The following VPS13B variants were observed in gnomAD, a reference collection of about 807,000 sequenced individuals.
The protein encoded by VPS13B is vacuolar protein sorting 13 homolog B.
In VPS13B, 285 loss-of-function variants were observed where a neutral mutation model predicts 426.4. The observed-to-expected ratio is 0.67, with a 90% CI of 0.61 to 0.74. The LOEUF is 0.74. Among genes scored for constraint, VPS13B ranks in the 30% least tolerant of loss-of-function variants. The pLI is 0.00. For missense variants in VPS13B, 4,537 were observed against 4,782.6 expected (o/e 0.95, Z 1.51); for synonymous variants, 1,676 against 1,676.4 (o/e 1.00, Z 0.01).
At chr8:99,304,540 G>A (rs999464338) in intron 19 of VPS13B, among the ~76,000 whole-genome samples, 82 of 151,956 alleles carry the variant, frequency 5.4e-4, no homozygotes, top group Non-Finnish European at 1.6e-4. Flanking sequence ...TGTAACATTG[G>A]TAGTCCCAAC....
At chr8:99,505,953 C>G (rs936767574) in intron 27 of VPS13B, among the ~76,000 whole-genome samples, 3 of 152,256 alleles carry the variant, frequency 2.0e-5, no homozygotes, top group African/African-American at 7.2e-5. Flanking sequence ...GATGACAAAT[C>G]TGTTCATAAA....
chr8:99,726,322 A>G (rs1833349134), intron 39 of VPS13B, among the ~76,000 whole-genome samples: 1 of 152,230 alleles, frequency 6.6e-6, no homozygotes, highest in African/African-American at 2.4e-5. Flanking sequence ...AGATAAAGTA[A>G]TGCCACCAAC....
At position 99,331,435 on chromosome 8, in the gene VPS13B, G is replaced by A. The variant is rs370924654; in HGVS notation, c.2825-52773G>A. On this transcript the variant is annotated intron_variant, in intron 19 of 61. Coordinates refer to ENST00000357162, the MANE Select transcript of VPS13B (RefSeq NM_152564.5). ...GAATCTTGCAGTTTAGAGCTGTAGA[G>A]CAGCCAAGATCCCTTTATAAGGAAC... 2.2e-4 allele frequency among the ~76,000 whole-genome samples: 33 copies of A among 151,860 alleles called. No individual in the cohort carries two copies. In the East Asian group the frequency reaches 6.2e-3, roughly 28 times the overall value.
chr8:99,527,275 TAAC>T (rs1183522702), intron 30 of VPS13B, among the ~76,000 whole-genome samples: 1 of 152,116 alleles, frequency 6.6e-6, no homozygotes, highest in African/African-American at 2.4e-5. Flanking sequence ...TTCTGTTAAC[TAAC>T]ACCTTATATG....
At chr8:99,210,506 G>T (rs1409828434) in intron 17 of VPS13B, among the ~76,000 whole-genome samples, 1 of 152,066 alleles carries the variant, frequency 6.6e-6, no homozygotes, top group Non-Finnish European at 1.5e-5. Context: ...CTCACATTTG[G>T]TGCCATTGTG....
chr8:99,304,414 T>C (rs537967549), intron 19 of VPS13B, among the ~76,000 whole-genome samples: 1 of 152,146 alleles, frequency 6.6e-6, no homozygotes, highest in Non-Finnish European at 1.5e-5. Flanking sequence ...GTTTTGTTTT[T>C]TTTTTCATGG....
intron 21 of VPS13B, among the ~76,000 whole-genome samples, chr8:99,409,401 T>G (rs1240504797): frequency 6.6e-6 from 1 of 151,908 alleles, no homozygotes; most frequent in Admixed American, 6.6e-5. Flanking sequence ...AGGCTGTGAG[T>G]ATTGGGGCTG....
At chr8:99,526,791 A>G (rs1588463731) in intron 30 of VPS13B, among the ~76,000 whole-genome samples, 1 of 152,204 alleles carries the variant, frequency 6.6e-6, no homozygotes, top group East Asian at 1.9e-4. Flanking sequence ...GATTTATGTC[A>G]AATTAAACCA....
chr8:99,273,093 G>A (rs1380463487), intron 17 of VPS13B, among the ~76,000 whole-genome samples: 1 of 150,788 alleles, frequency 6.6e-6, no homozygotes, highest in Non-Finnish European at 1.5e-5. Flanking sequence ...TCCTCAACCT[G>A]TATTTTGTTT....
intron 4 of VPS13B, among the ~76,000 whole-genome samples, chr8:99,096,792 C>G (rs2132433362): frequency 6.6e-6 from 1 of 150,886 alleles, no homozygotes. Context: ...TGTTTTAGTA[C>G]TTTGTAGAAT....
At chr8:99,658,523 ATTATTTAT>A (rs570386895) in intron 34 of VPS13B, among the ~76,000 whole-genome samples, 3 of 152,040 alleles carry the variant, frequency 2.0e-5, no homozygotes, top group Non-Finnish European at 2.9e-5. Flanking sequence ...AATTATACAG[ATTATTTAT>A]TTATTTATTT....
chr8:99,495,549 A>C (rs1012194958), intron 25 of VPS13B, among the ~76,000 whole-genome samples: 45 of 152,242 alleles, frequency 3.0e-4, no homozygotes, highest in African/African-American at 1.1e-3. Context: ...AAGCCCTTAC[A>C]TGGTGGTTGA....
chr8:99,760,526 G>A (rs756919172), intron 39 of VPS13B, among the ~76,000 whole-genome samples: 2 of 152,088 alleles, frequency 1.3e-5, no homozygotes, highest in Non-Finnish European at 2.9e-5. Flanking sequence ...GATTTTATCC[G>A]AAGTGTGACA....
chr8:99,692,302 TC>T (rs1446857078), intron 35 of VPS13B, among the ~76,000 whole-genome samples: 2 of 145,556 alleles, frequency 1.4e-5, no homozygotes, highest in Non-Finnish European at 3.0e-5. Flanking sequence ...AGTAAAACTC[TC>T]CTCAGCAAAT....
intron 35 of VPS13B, among the ~76,000 whole-genome samples, chr8:99,691,452 G>C (rs1487590508): frequency 6.6e-6 from 1 of 151,880 alleles, no homozygotes; most frequent in Non-Finnish European, 1.5e-5. Flanking sequence ...TAAAAACATG[G>C]GGAGAAAGGA....
In VPS13B at chr8:99,443,398, C is replaced by G. The variant is rs190451586; in HGVS notation, c.3445+763C>G. 6.3e-3 allele frequency among the ~76,000 whole-genome samples: 962 copies of G among 152,180 alleles called. 7 individuals carry two copies. Among genetic ancestry groups the G allele is most frequent in the African/African-American group, 0.022 (903 of 41,536 alleles). On this transcript the variant is annotated intron_variant, in intron 23 of 61. Coordinates refer to ENST00000357162, the MANE Select transcript of VPS13B (RefSeq NM_152564.5). The stretch of plus-strand genomic sequence containing the variant: ...AGACATAGCCTGTGTAATTTTTGAT[C>G]TCTACTTTGATGTTGATTTCTCTCT...
At chr8:99,235,852 A>G (rs1470679485) in intron 17 of VPS13B, among the ~76,000 whole-genome samples, 1 of 152,226 alleles carries the variant, frequency 6.6e-6, no homozygotes, top group Non-Finnish European at 1.5e-5. Flanking sequence ...GAGACATAAA[A>G]CAAAAATTTG....
At chr8:99,101,877 A>G (rs1378907878) in intron 4 of VPS13B, among the ~76,000 whole-genome samples, 1 of 152,154 alleles carries the variant, frequency 6.6e-6, no homozygotes, top group Non-Finnish European at 1.5e-5. Context: ...ATACAACCAT[A>G]TGGTTATTTC....
intron 21 of VPS13B, among the ~76,000 whole-genome samples, chr8:99,416,762 G>A (rs971238277): frequency 1.3e-5 from 2 of 152,036 alleles, no homozygotes; most frequent in Non-Finnish European, 2.9e-5. Context: ...TGCCTAACCA[G>A]TCCCAGTGAG....
Sources: allele counts gnomAD v4.1 joint callset (sites outside exome capture counted in the v4.1 genomes callset), GRCh38; gene constraint gnomAD v4.1.1; transcripts MANE v1.5; gene names NCBI Gene and HGNC (gene_info 2026-07-23, HGNC 2026-07-21).